COL4A2: variants seen among roughly 807,000 people sequenced by gnomAD.
The protein encoded by COL4A2 is collagen alpha-2(IV) chain.
In COL4A2, 99 loss-of-function variants were observed where a neutral mutation model predicts 200.2. The ratio of observed to expected loss-of-function variants is 0.49; its 90% CI spans 0.42 to 0.58. The LOEUF (loss-of-function observed/expected upper bound fraction) is 0.58, where lower values mean the gene tolerates loss of function less well. Ranked by LOEUF, COL4A2 falls within the 20% of genes least tolerant of loss-of-function variation. The pLI is 0.00. For missense variants in COL4A2, 1,950 were observed against 2,314.1 expected (o/e 0.84, Z 3.23); for synonymous variants, 897 against 900.6 (o/e 1.00, Z 0.07).
rs542852143 is a variant in COL4A2 at position 110,349,919 on chromosome 13, A to G, written c.100-7553A>G. ...GTTGGTATTACAAGCGTGAGCCACC[A>G]TGTCCAGCTAATTTTTACATTCTTA... On this transcript the variant is annotated intron_variant, in intron 3 of 47. Coordinates refer to ENST00000360467, the MANE Select transcript of COL4A2 (RefSeq NM_001846.4). Among the ~76,000 whole-genome samples, 4 of 152,258 alleles carry G rather than the reference A, an allele frequency of 2.6e-5. No homozygotes were observed. The East Asian group carries it at 5.8e-4, about 22-fold the overall frequency.
intron 11 of COL4A2, among the ~76,000 whole-genome samples, chr13:110,434,087 T>A (rs1019150944): frequency 2.0e-5 from 3 of 152,138 alleles, no homozygotes; most frequent in African/African-American, 7.2e-5. Context: ...GGCTGCTTCT[T>A]CCATCTGCAG....
intron 40 of COL4A2, among the ~76,000 whole-genome samples, chr13:110,501,081 A>G (rs758468597): frequency 6.6e-6 from 1 of 152,170 alleles, no homozygotes; most frequent in Non-Finnish European, 1.5e-5. Context: ...GCCTCTGTGT[A>G]TATCTGTGAA....
chr13:110,398,920 A>T (rs1326824746), intron 4 of COL4A2, among the ~76,000 whole-genome samples: 1 of 152,002 alleles, frequency 6.6e-6, no homozygotes, highest in Non-Finnish European at 1.5e-5. Context: ...CTTATATATA[A>T]CTGTATCTTT....
chr13:110,380,503 T>C (rs141630846), intron 4 of COL4A2, among the ~76,000 whole-genome samples: 1 of 152,340 alleles, frequency 6.6e-6, no homozygotes, highest in Non-Finnish European at 1.5e-5. Flanking sequence ...ACTCATCGGA[T>C]TCTCACACTC....
chr13:110,463,604 C>T (rs1882119321), intron 24 of COL4A2, among the ~76,000 whole-genome samples: 1 of 152,186 alleles, frequency 6.6e-6, no homozygotes, highest in African/African-American at 2.4e-5. Flanking sequence ...ACAATCAAAG[C>T]TCACTGCAGC....
intron 4 of COL4A2, among the ~76,000 whole-genome samples, chr13:110,417,925 G>C (rs1880104180): frequency 6.6e-6 from 1 of 151,980 alleles, no homozygotes; most frequent in Non-Finnish European, 1.5e-5. Flanking sequence ...CCTAGGAGTG[G>C]GATTGTTGGG....
rs1394404007 is a variant in COL4A2, at chr13:110,307,929, C to T, written c.26C>T (p.Ala9Val). Residue 9 changes from alanine (A) to valine (V), a missense_variant, in exon 2 of 48, where the codon GCC becomes GTC. Ala to Val is a moderately conservative substitution (Grantham distance 64). Around this residue, in one of 2 missense-constraint regions of COL4A2, gnomAD observed 565 missense variants for 593.5 expected, o/e 0.95. Transcript: ENST00000360467. The surrounding 1 kb of genome is among the most constrained non-coding windows in gnomAD (Gnocchi z 5.0). MGRDQRAV[A>V]GPALRRWLLL... is the part of the protein sequence containing the mutation. ...ATGGGGAGAGACCAGCGCGCGGTGG[C>T]CGGCCCTGCCCTACGGCGGTAAGCG... The T allele has an allele frequency of 2.5e-6, 4 of 1,612,810 alleles. No individual in the cohort carries two copies. The African/African-American group carries it at 5.3e-5, about 22-fold the overall frequency.
chr13:110,321,010 T>G (rs1179783213), intron 3 of COL4A2, among the ~76,000 whole-genome samples: 2 of 152,198 alleles, frequency 1.3e-5, no homozygotes, highest in South Asian at 4.1e-4. Context: ...TCTAAATATT[T>G]CATGTGTTTA....
intron 21 of COL4A2, chr13:110,457,645 A>G: frequency 1.5e-6 from 1 of 678,436 alleles, no homozygotes; most frequent in Non-Finnish European, 2.8e-6. Flanking sequence ...CCCCAGGCTC[A>G]CCGTCCCTGC....
In COL4A2 at chr13:110,507,855, G is replaced by C. The variant is rs527350248; in HGVS notation, c.4595-80G>C. 4.0e-5 allele frequency: 59 copies of C among 1,470,830 alleles called. No individual in the cohort carries two copies. In the East Asian group the frequency reaches 1.3e-3, roughly 33 times the overall value. The allele number at this position is 1,470,830 out of a possible 1,614,324, so 91.1% of individuals were successfully genotyped here. A position where few individuals can be genotyped will look rare whatever the true frequency, so the allele number is the denominator to read the frequency against. ...CCCTGGGGCGAGTCCGTGACACACA[G>C]CCTCCTGGGCCTGGCTGGGGCTGGC... On this transcript the variant is annotated intron_variant, in intron 46 of 47. Transcript: ENST00000360467.
chr13:110,376,237 G>C (rs1487825889), intron 4 of COL4A2, among the ~76,000 whole-genome samples: 1 of 152,124 alleles, frequency 6.6e-6, no homozygotes, highest in African/African-American at 2.4e-5. Context: ...AACTAGGTAA[G>C]GTATAAGTAA....
intron 4 of COL4A2, among the ~76,000 whole-genome samples, chr13:110,419,267 A>G (rs9521753): frequency 0.95 from 144,750 of 152,314 alleles, 69,121 homozygotes; most frequent in Non-Finnish European, 1. Flanking sequence ...CTGGTAAGTC[A>G]TGAAAAGCTC....
At chr13:110,475,131 G>C (rs1053568465) in intron 29 of COL4A2, among the ~76,000 whole-genome samples, 2 of 152,266 alleles carry the variant, frequency 1.3e-5, no homozygotes, top group African/African-American at 4.8e-5. Context: ...AACCAAGCCA[G>C]CTAGAGCAGG....
chr13:110,371,685 T>C (rs1358868591), intron 4 of COL4A2, among the ~76,000 whole-genome samples: 2 of 152,184 alleles, frequency 1.3e-5, no homozygotes, highest in Non-Finnish European at 2.9e-5. Context: ...CATCAGGCGC[T>C]CTCCACGTAG....
chr13:110,446,487 C>T (rs895878907), intron 17 of COL4A2, among the ~76,000 whole-genome samples: 2 of 152,202 alleles, frequency 1.3e-5, no homozygotes, highest in African/African-American at 4.8e-5. Context: ...GCTCGGCTAT[C>T]ACTACCCAAA....
At chr13:110,347,480 A>G (rs1488708297) in intron 3 of COL4A2, among the ~76,000 whole-genome samples, 1 of 152,088 alleles carries the variant, frequency 6.6e-6, no homozygotes, top group Non-Finnish European at 1.5e-5. Context: ...TACATCATTC[A>G]TGTTCCCAGT....
At chr13:110,439,867 G>A (rs1416329066) in intron 16 of COL4A2, 34 bp downstream of exon 16, 1 of 1,608,882 alleles carries the variant, frequency 6.2e-7, no homozygotes, top group Admixed American at 1.7e-5. Context: ...GTCTGCTCTG[G>A]GCCCACGACA....
rs1225804106 is a variant in COL4A2 at position 110,370,888 on chromosome 13, G to A, written c.180+13336G>A. On this transcript the variant is annotated intron_variant, in intron 4 of 47. Coordinates refer to ENST00000360467, the MANE Select transcript of COL4A2 (RefSeq NM_001846.4). ...GGGACTTTATTTTGAGGATAGCATG[G>A]ATGAAAAGGGATAGCTATGCAGCCA... 5.3e-5 allele frequency among the ~76,000 whole-genome samples: 8 copies of A among 152,352 alleles called. No individual in the cohort carries two copies. The East Asian group carries it at 1.5e-3, about 29-fold the overall frequency.
At chr13:110,392,690 CCT>C (rs1879032984) in intron 4 of COL4A2, among the ~76,000 whole-genome samples, 2 of 152,294 alleles carry the variant, frequency 1.3e-5, no homozygotes, top group Admixed American at 1.3e-4. Context: ...GCTTTAAAAT[CCT>C]CTCCCGACCC....
Sources: gnomAD v4.1 joint callset for allele counts (sites outside exome capture counted in the v4.1 genomes callset) on GRCh38, gnomAD v4.1.1 for gene constraint, gnomAD v4.1.1 regional missense constraint, Gnocchi (gnomAD v3.1) non-coding constraint, MANE v1.5 for transcripts, NCBI Gene and HGNC (gene_info 2026-07-23, HGNC 2026-07-21) for gene names.